Variants in DIXDC1 observed in about 807,000 individuals in gnomAD.
DIXDC1 encodes the protein dixin.
Under a neutral mutation model 103.1 loss-of-function variants are expected in DIXDC1, and 64 were observed. The observed-to-expected ratio is 0.62, with a 90% confidence interval of 0.51 to 0.76. The LOEUF (loss-of-function observed/expected upper bound fraction) is 0.76. Ranked by LOEUF, DIXDC1 falls within the 30% of genes least tolerant of loss-of-function variation. The pLI is 0.00. For missense variants in DIXDC1, 759 were observed against 834.2 expected, an observed-to-expected ratio of 0.91 and a Z score of 1.11; for synonymous variants, 266 against 298.5, an observed-to-expected ratio of 0.89 and a Z score of 1.12.
At position 112,021,483 on chromosome 11, in the gene DIXDC1, A is replaced by T. The variant is rs1313901842; in HGVS notation, c.*2447A>T. Reference sequence around the variant, plus strand: ...TGGCTGCATTCTAGGAGGCCTCCTGACTTATTCATAGTATTGTCGCCTGGT... The same window carrying T: ...TGGCTGCATTCTAGGAGGCCTCCTGTCTTATTCATAGTATTGTCGCCTGGT... On this transcript the variant is annotated 3_prime_UTR_variant, in exon 20 of 20. Transcript: ENST00000440460. 6.6e-6 allele frequency: 1 copy of T among 152,180 alleles called. No individual in the cohort carries two copies. The highest frequency in any genetic ancestry group is 1.9e-4 in the East Asian group (1 of 5,182). The allele number at this position is 152,180 out of a possible 1,614,324, so 9.4% of individuals were successfully genotyped here.
rs1242498201 is a variant in DIXDC1 at position 112,013,314 on chromosome 11, C to CG, written c.1757-3371dup. ...GCTTCAACATATGAAGTTGACGGGTCGGGGGGTGGGGGTGGGGTGGGGGGG... is the reference window on the plus strand; with the variant it reads ...GCTTCAACATATGAAGTTGACGGGTCGGGGGGGTGGGGGTGGGGTGGGGGGG... On this transcript the variant is annotated intron_variant, in intron 17 of 19. Coordinates refer to ENST00000440460, the MANE Select transcript of DIXDC1 (RefSeq NM_001037954.4). Among the ~76,000 whole-genome samples the CG allele has an allele frequency of 6.4e-3, 62 of 9,694 alleles. 2 individuals carry two copies. The highest frequency in any genetic ancestry group is 0.051 in the East Asian group (5 of 98). The allele number at this position is 9,694 out of a possible 152,430, so 6.4% of individuals were successfully genotyped here.
chr11:111,954,423 C>G (rs372603870), intron 1 of DIXDC1, among the ~76,000 whole-genome samples: 2 of 152,104 alleles, frequency 1.3e-5, no homozygotes, highest in Non-Finnish European at 2.9e-5. Context: ...CTCTGTGGCC[C>G]GGTTGCTAAC....
At chr11:111,959,361 A>G (rs1454870416) in intron 1 of DIXDC1, among the ~76,000 whole-genome samples, 1 of 152,160 alleles carries the variant, frequency 6.6e-6, no homozygotes, top group Non-Finnish European at 1.5e-5. Flanking sequence ...GCGCCACCAC[A>G]TTCCCTGGTG....
chr11:112,012,908 C>CCCCT (rs1861467303), intron 17 of DIXDC1, among the ~76,000 whole-genome samples: 1 of 152,198 alleles, frequency 6.6e-6, no homozygotes, highest in Admixed American at 6.5e-5. Context: ...GCCTATTAGA[C>CCCCT]CCCTGTGTAG....
At chr11:111,964,184 G>A (rs587611485) in intron 1 of DIXDC1, among the ~76,000 whole-genome samples, 1 of 152,302 alleles carries the variant, frequency 6.6e-6, no homozygotes, top group Admixed American at 6.5e-5. Context: ...GCTGGCAGTC[G>A]TGAATAGACC....
rs1240417377 is a variant in DIXDC1 at position 111,977,030 on chromosome 11, C to T, written c.656+2047C>T. ...AAGGCAAGGTTTTTGGTGCGGGGCT[C>T]CCCAGCACTCAGACCACTAGAGCCC... On this transcript the variant is annotated intron_variant, in intron 5 of 19. Transcript: ENST00000440460. The surrounding 1 kb of genome is among the most constrained non-coding windows in gnomAD (Gnocchi z 6.1). 6.4e-6 allele frequency: 1 copy of T among 156,436 alleles called. No homozygotes were observed. The highest frequency in any genetic ancestry group is 1.4e-5 in the Non-Finnish European group (1 of 71,860). The allele number at this position is 156,436 out of a possible 1,614,324, so 9.7% of individuals were successfully genotyped here.
rs1966243197 is a variant in DIXDC1, at chr11:111,937,412, C to T, written c.-88C>T. On this transcript the variant is annotated 5_prime_UTR_variant, in exon 1 of 20. Coordinates refer to ENST00000440460, the MANE Select transcript of DIXDC1 (RefSeq NM_001037954.4). ...CCGGAGGGATCCCAATGAGCTGAGC[C>T]GAGAGCCTTTGTGTGCAGAGGGAGG... The T allele has an allele frequency of 2.0e-6, 3 of 1,525,182 alleles. No individual in the cohort carries two copies. Among genetic ancestry groups the T allele is most frequent in the Admixed American group, 2.2e-5 (1 of 45,764 alleles). The allele number at this position is 1,525,182 out of a possible 1,614,324, so 94.5% of individuals were successfully genotyped here. A position where few individuals can be genotyped will look rare whatever the true frequency, so the allele number is the denominator to read the frequency against.
chr11:111,975,976 A>G, intron 5 of DIXDC1: 1 of 871,086 alleles, frequency 1.1e-6, no homozygotes, highest in Non-Finnish European at 1.4e-6. Context: ...AAAATTAACC[A>G]TTAAACATTA....
Position 111,992,403 on chromosome 11 carries a change from T to C in DIXDC1, c.1114-12T>C. On this transcript the variant is annotated splice_polypyrimidine_tract_variant and intron_variant, in intron 10 of 19. Transcript: ENST00000440460. ...ACTGAGACAACAATAATTAGTATGCTTTTTCCCCTAGGATGCCTTGCAGCA... is the reference window on the plus strand; with the variant it reads ...ACTGAGACAACAATAATTAGTATGCCTTTTCCCCTAGGATGCCTTGCAGCA... 3.8e-6 allele frequency: 6 copies of C among 1,560,546 alleles called. No individual in the cohort carries two copies. The highest frequency in any genetic ancestry group is 4.3e-6 in the Non-Finnish European group (5 of 1,150,876).
intron 1 of DIXDC1, among the ~76,000 whole-genome samples, chr11:111,942,502 G>T (rs1409115744): frequency 6.6e-6 from 1 of 152,184 alleles, no homozygotes; most frequent in East Asian, 1.9e-4. Context: ...AGGCAATAGA[G>T]AACCAATTCC....
chr11:111,937,148 C>T, upstream of DIXDC1: 2 of 774,400 alleles, frequency 2.6e-6, no homozygotes, highest in Non-Finnish European at 3.0e-6. Context: ...GGGGTGTGCG[C>T]GTGCGTGCGG....
At position 111,949,497 on chromosome 11, in the gene DIXDC1, G is replaced by A. The variant is rs1555169675; in HGVS notation, c.60+11938G>A. ...AGTTTGTCCTTTGCTCACTGGTGCT[G>A]CTTCAGTTTAGGTGCTTATCTTCTC... is the stretch of plus-strand genomic sequence containing the variant. On this transcript the variant is annotated intron_variant, in intron 1 of 19. Transcript: ENST00000440460. 2.0e-5 allele frequency among the ~76,000 whole-genome samples: 3 copies of A among 152,300 alleles called. No homozygotes were observed. In the South Asian group the frequency reaches 6.2e-4, roughly 32 times the overall value.
intron 3 of DIXDC1, 60 bp from the exon 4 acceptor site, chr11:111,973,963 T>G: frequency 6.5e-7 from 1 of 1,534,718 alleles, no homozygotes; most frequent in Non-Finnish European, 8.9e-7. Context: ...AGTCCTCAGC[T>G]TTTGCCTCCC....
At position 111,992,442 on chromosome 11, in the gene DIXDC1, C is replaced by G; in HGVS notation, c.1141C>G (p.Gln381Glu). ...KDALQQRLTQ[Q>E]DTSVLQLKQE... ...TGCCTTGCAGCAGAGATTGACTCAGCAGGACACATCTGTTCTTCAGCTCAA... is the reference window on the plus strand; with the variant it reads ...TGCCTTGCAGCAGAGATTGACTCAGGAGGACACATCTGTTCTTCAGCTCAA... The change falls in exon 11 of 20, where the codon CAG becomes GAG. Residue 381 changes from glutamine to glutamate, a missense_variant. Gln to Glu is a conservative substitution (Grantham distance 29). Coordinates refer to ENST00000440460, the MANE Select transcript of DIXDC1 (RefSeq NM_001037954.4). The G allele has an allele frequency of 6.3e-7, 1 of 1,582,796 alleles. No individual in the cohort carries two copies. The highest frequency in any genetic ancestry group is 8.6e-7 in the Non-Finnish European group (1 of 1,163,816).
At chr11:111,973,989 G>A in intron 3 of DIXDC1, 34 bp from the exon 4 acceptor site, 1 of 1,606,682 alleles carries the variant, frequency 6.2e-7, no homozygotes, top group Non-Finnish European at 8.5e-7. Context: ...GGACCTCTTG[G>A]TCTGTTTTAT....
At chr11:112,016,829 A>T (rs1555177794) in intron 18 of DIXDC1, 33 bp downstream of exon 18, 13 of 1,553,132 alleles carry the variant, frequency 8.4e-6, no homozygotes, top group Non-Finnish European at 1.1e-5. Flanking sequence ...TTTCACTGTA[A>T]AGAAGGAAAG....
At chr11:111,996,743 A>G (rs1038180123) in intron 17 of DIXDC1, among the ~76,000 whole-genome samples, 1 of 152,136 alleles carries the variant, frequency 6.6e-6, no homozygotes, top group African/African-American at 2.4e-5. Flanking sequence ...CCAGCTACTC[A>G]TGAGGCTGAG....
chr11:111,989,850 G>A (rs1387803650), intron 10 of DIXDC1, among the ~76,000 whole-genome samples: 31 of 149,528 alleles, frequency 2.1e-4, no homozygotes, highest in East Asian at 6.1e-4. Context: ...GTGCAGTGGC[G>A]CAATCTTGGC....
chr11:112,014,745 TTGAA>T (rs1420799347), intron 17 of DIXDC1, among the ~76,000 whole-genome samples: 1 of 152,246 alleles, frequency 6.6e-6, no homozygotes, highest in Admixed American at 6.5e-5. Context: ...TAAATGTTTG[TTGAA>T]TGAATGAATA....
Sources: gnomAD v4.1 joint callset for allele counts (sites outside exome capture counted in the v4.1 genomes callset) on GRCh38, gnomAD v4.1.1 for gene constraint, Gnocchi (gnomAD v3.1) non-coding constraint, MANE v1.5 for transcripts, NCBI Gene and HGNC (gene_info 2026-07-23, HGNC 2026-07-21) for gene names.